Variants in DOK4 observed in about 807,000 individuals in gnomAD.
The protein encoded by DOK4 is docking protein 4, also known as downstream of tyrosine kinase 4.
In DOK4, 26 loss-of-function variants were observed where a neutral mutation model predicts 40.1. The ratio of observed to expected loss-of-function variants is 0.65; its 90% CI spans 0.48 to 0.90. DOK4 has a LOEUF of 0.90. Ranked by LOEUF, DOK4 falls within the 40% of genes least tolerant of loss-of-function variation. DOK4 has a pLI of 0.00. For synonymous variants in DOK4, 179 were observed against 177.0 expected, an observed-to-expected ratio of 1.01 and a Z score of -0.09; for missense variants, 392 against 437.2, an observed-to-expected ratio of 0.90 and a Z score of 0.92.
intron 8 of DOK4, 31 bp from the exon 9 acceptor site, chr16:57,473,526 G>C: frequency 6.2e-7 from 1 of 1,614,226 alleles, no homozygotes; most frequent in Non-Finnish European, 8.5e-7. Context: ...TCAGAACTCA[G>C]AGCTAGGTCA....
chr16:57,472,127 G>C (rs368849833), exon 9 of DOK4: 2 of 152,442 alleles, frequency 1.3e-5, no homozygotes, highest in African/African-American at 4.8e-5. Flanking sequence ...GTCATTCCCC[G>C]GGTCACGTTG....
chr16:57,475,387 C>A, intron 4 of DOK4, 119 bp downstream of exon 4: 2 of 1,359,562 alleles, frequency 1.5e-6, no homozygotes, highest in Non-Finnish European at 2.0e-6. Flanking sequence ...ACCCCCAACC[C>A]CACACACACC....
intron 3 of DOK4, 70 bp from the exon 4 acceptor site, chr16:57,475,690 CTCT>C (rs1567588907): frequency 2.3e-4 from 198 of 878,836 alleles, no homozygotes; most frequent in Middle Eastern, 3.3e-4. Context: ...CTCTCTCTCT[CTCT>C]CTCCCTCCCT....
chr16:57,478,880 C>G (rs2031300790), intron 2 of DOK4, among the ~76,000 whole-genome samples: 1 of 152,240 alleles, frequency 6.6e-6, no homozygotes, highest in Non-Finnish European at 1.5e-5. Context: ...CCCCGTCTCG[C>G]CCAGCCAACC....
chr16:57,474,763 G>A (rs1397318640), intron 6 of DOK4, 30 bp downstream of exon 6: 1 of 1,608,010 alleles, frequency 6.2e-7, no homozygotes, highest in Non-Finnish European at 8.5e-7. Context: ...CACCATAGTA[G>A]GACAGGGCTG....
At chr16:57,472,831 T>C (rs1168594983) in exon 9 of DOK4, 1 of 154,776 alleles carries the variant, frequency 6.5e-6, no homozygotes, top group African/African-American at 2.4e-5. Context: ...ATCCTTCCTG[T>C]GTCACTCCAG....
chr16:57,473,826 C>A, intron 7 of DOK4, 75 bp downstream of exon 7: 1 of 1,598,774 alleles, frequency 6.3e-7, no homozygotes, highest in African/African-American at 1.3e-5. Flanking sequence ...CCACTGTGTA[C>A]CCCAGGCACT....
chr16:57,479,337 C>T lies in DOK4; in HGVS notation c.66+105G>A. The stretch of plus-strand genomic sequence containing the variant: ...ACCACAGATGCACGATGCCCGGCAG[C>T]CGGAGGGCAGCCGCGTGCCCCACGC... On this transcript the variant is annotated intron_variant, in intron 2 of 8. Transcript: ENST00000340099. The surrounding 1 kb of genome is among the most constrained non-coding windows in gnomAD (Gnocchi z 5.8). 1 of 1,305,710 alleles carries T rather than the reference C, an allele frequency of 7.7e-7. No homozygotes were observed. The allele number at this position is 1,305,710 out of a possible 1,614,324, so 80.9% of individuals were successfully genotyped here.
At chr16:57,475,542 T>G in exon 4 of DOK4, 1 of 1,609,574 alleles carries the variant, frequency 6.2e-7, no homozygotes, top group Non-Finnish European at 8.5e-7. Flanking sequence ...GAGTCATCAG[T>G]GAATATGATG....
intron 1 of DOK4, among the ~76,000 whole-genome samples, chr16:57,482,958 G>A (rs1431119094): frequency 2.0e-5 from 3 of 152,156 alleles, no homozygotes; most frequent in Non-Finnish European, 2.9e-5. Flanking sequence ...CTCCTGCTGC[G>A]TCTGTCCATA....
chr16:57,483,370 C>A (rs538669570), intron 1 of DOK4, among the ~76,000 whole-genome samples: 2 of 152,184 alleles, frequency 1.3e-5, no homozygotes, highest in Admixed American at 6.5e-5. Context: ...GTGGCTCACA[C>A]CTGTAATCCC....
chr16:57,473,696 G>T (rs767295785), exon 8 of DOK4: 1 of 1,614,136 alleles, frequency 6.2e-7, no homozygotes, highest in East Asian at 2.2e-5. Context: ...GGTCGTGGGT[G>T]TGCAGGGATA....
intron 8 of DOK4, 55 bp downstream of exon 8, chr16:57,473,558 C>T (rs746121721): frequency 6.2e-7 from 1 of 1,614,240 alleles, no homozygotes; most frequent in East Asian, 2.2e-5. Flanking sequence ...CCCAATAGGC[C>T]TCATCCTCCA....
At chr16:57,480,693 T>C (rs1168754163) in intron 1 of DOK4, among the ~76,000 whole-genome samples, 1 of 151,836 alleles carries the variant, frequency 6.6e-6, no homozygotes, top group African/African-American at 2.4e-5. Context: ...GGGAGGTAGA[T>C]ATGGAGCAGG....
At position 57,484,047 on chromosome 16, in the gene DOK4, T is replaced by C. The variant is rs147822244; in HGVS notation, c.-182+2258A>G. The C allele has an allele frequency of 9.2e-3, 1,395 of 152,324 alleles. 12 individuals are homozygous for C. Among genetic ancestry groups the C allele is most frequent in the Admixed American group, 0.014 (219 of 15,298 alleles). 9.4% of individuals were successfully genotyped at this position (152,324 alleles called of 1,614,324 possible). A position where few individuals can be genotyped will look rare whatever the true frequency, so the allele number is the denominator to read the frequency against. On this transcript the variant is annotated intron_variant, in intron 1 of 8. Transcript: ENST00000340099. Reference sequence around the variant, plus strand: ...CCCAGGAAGGGCTGGTGTCCTGGGGTGGCGGGGAGTAGGGAGACTCCCAGG... The same window carrying C: ...CCCAGGAAGGGCTGGTGTCCTGGGGCGGCGGGGAGTAGGGAGACTCCCAGG...
Position 57,479,411 on chromosome 16 carries a change from C to T in DOK4, c.66+31G>A. On this transcript the variant is annotated intron_variant, in intron 2 of 8. Transcript: ENST00000340099. The surrounding 1 kb of genome is among the most constrained non-coding windows in gnomAD (Gnocchi z 5.8). ...GAGTCCTCGGGCCCCCATCCCTTGG[C>T]AGGGCCCCTCCGCAGCTCAGGGTCA... 1 of 1,610,978 alleles carries T rather than the reference C, an allele frequency of 6.2e-7. No individual in the cohort carries two copies. The highest frequency in any genetic ancestry group is 8.5e-7 in the Non-Finnish European group (1 of 1,178,752).
intron 2 of DOK4, among the ~76,000 whole-genome samples, chr16:57,477,365 G>A (rs997505546): frequency 4.4e-4 from 67 of 152,370 alleles, no homozygotes; most frequent in African/African-American, 1.5e-3. Context: ...GCTCTCAGCT[G>A]CAGCGCTCCC....
At chr16:57,476,080 C>G in intron 2 of DOK4, 123 bp from the exon 3 acceptor site, 1 of 776,930 alleles carries the variant, frequency 1.3e-6, no homozygotes. Flanking sequence ...GGAGCCCCAG[C>G]CTGGGGACAC....
exon 3 of DOK4, chr16:57,475,946 C>T: frequency 3.1e-6 from 5 of 1,613,154 alleles, no homozygotes; most frequent in Non-Finnish European, 3.4e-6. Flanking sequence ...CCAGCCAGCA[C>T]CTCCGGTAGA....
Sources: allele counts gnomAD v4.1 joint callset (sites outside exome capture counted in the v4.1 genomes callset), GRCh38; gene constraint gnomAD v4.1.1; non-coding constraint Gnocchi (gnomAD v3.1); transcripts MANE v1.5; gene names NCBI Gene and HGNC (gene_info 2026-07-23, HGNC 2026-07-21).